NCKAP5: variants seen among roughly 807,000 people sequenced by gnomAD.
NCKAP5 encodes the protein NCK associated protein 5, also known as nck-associated protein 5.
NCKAP5 carries 92 observed loss-of-function variants against 167.0 expected under a neutral mutation model. The observed-to-expected ratio is 0.55, with a 90% CI of 0.47 to 0.66. The LOEUF (loss-of-function observed/expected upper bound fraction) is 0.66, where lower values mean the gene tolerates loss of function less well. Ranked by LOEUF, NCKAP5 falls within the 30% of genes least tolerant of loss-of-function variation. The pLI, the probability that NCKAP5 is intolerant of heterozygous loss-of-function variation, is 0.00. For missense variants in NCKAP5, 2,378 were observed against 2,315.0 expected (o/e 1.03, Z -0.56); for synonymous variants, 891 against 877.4 (o/e 1.02, Z -0.27).
intron 8 of NCKAP5, among the ~76,000 whole-genome samples, chr2:132,906,032 A>G (rs1014186541): frequency 2.0e-5 from 3 of 152,210 alleles, no homozygotes; most frequent in Non-Finnish European, 2.9e-5. Context: ...TGAGATTGCT[A>G]TTGGTTACCA....
At chr2:132,764,406 G>T (rs931779204) in intron 16 of NCKAP5, among the ~76,000 whole-genome samples, 1 of 152,204 alleles carries the variant, frequency 6.6e-6, no homozygotes, top group African/African-American at 2.4e-5. Context: ...TTTGCTGGTT[G>T]CAATCTCTCC....
In NCKAP5 at chr2:133,568,390, TG is replaced by T. The variant is rs997903434; in HGVS notation, c.-305del. 6.6e-6 allele frequency: 1 copy of T among 152,178 alleles called. No homozygotes were observed. Among genetic ancestry groups the T allele is most frequent in the African/African-American group, 2.4e-5 (1 of 41,428 alleles). The allele number at this position is 152,178 out of a possible 1,614,324, so 9.4% of individuals were successfully genotyped here. A position where few individuals can be genotyped will look rare whatever the true frequency, so the allele number is the denominator to read the frequency against. ...GGTTTTCCTGAACATCCACAGCGGC[TG>T]GGAAGTCCTGCCGTGAATGCGGAGC... On this transcript the variant is annotated 5_prime_UTR_variant, in exon 1 of 20. Coordinates refer to ENST00000409261, the MANE Select transcript of NCKAP5 (RefSeq NM_207363.3).
At chr2:133,201,762 C>T (rs2085700240) in intron 5 of NCKAP5, among the ~76,000 whole-genome samples, 1 of 152,104 alleles carries the variant, frequency 6.6e-6, no homozygotes, top group Non-Finnish European at 1.5e-5. Context: ...CTATGCTTCT[C>T]CGCCTCATTT....
chr2:133,249,818 G>C (rs2088209274), intron 4 of NCKAP5, among the ~76,000 whole-genome samples: 1 of 152,108 alleles, frequency 6.6e-6, no homozygotes, highest in African/African-American at 2.4e-5. Context: ...GGCGGTTTGG[G>C]AAGGGCCCTA....
intron 11 of NCKAP5, among the ~76,000 whole-genome samples, chr2:132,847,999 G>C (rs1436884629): frequency 6.6e-6 from 1 of 152,250 alleles, no homozygotes; most frequent in Non-Finnish European, 1.5e-5. Flanking sequence ...GTGTTTAATG[G>C]TTCCTCTTAA....
chr2:133,061,887 C>T (rs1210126169), intron 6 of NCKAP5, among the ~76,000 whole-genome samples: 2 of 152,204 alleles, frequency 1.3e-5, no homozygotes, highest in South Asian at 2.1e-4. Context: ...ACACCTTTCT[C>T]CACTCCCCAA....
At chr2:133,317,650 G>A (rs765309585) in intron 3 of NCKAP5, among the ~76,000 whole-genome samples, 3 of 152,122 alleles carry the variant, frequency 2.0e-5, no homozygotes, top group African/African-American at 2.4e-5. Flanking sequence ...TGCATCCTTC[G>A]CCAGCTGTAG....
chr2:133,525,412 G>T (rs1044248739), intron 2 of NCKAP5, among the ~76,000 whole-genome samples: 1 of 152,138 alleles, frequency 6.6e-6, no homozygotes, highest in East Asian at 1.9e-4. Flanking sequence ...CCCCTCCTCA[G>T]ATAAATGGCT....
At chr2:133,413,145 C>A (rs1271429612) in intron 3 of NCKAP5, among the ~76,000 whole-genome samples, 2 of 152,202 alleles carry the variant, frequency 1.3e-5, no homozygotes, top group Non-Finnish European at 2.9e-5. Context: ...AGAGACAGTG[C>A]AAGTGTCAGA....
intron 5 of NCKAP5, among the ~76,000 whole-genome samples, chr2:133,150,286 A>G (rs751932985): frequency 5.9e-5 from 9 of 152,196 alleles, no homozygotes; most frequent in Admixed American, 1.3e-4. Flanking sequence ...ACTATAGCGG[A>G]TACCTGCCTG....
intron 2 of NCKAP5, among the ~76,000 whole-genome samples, chr2:133,548,826 A>G (rs969416945): frequency 6.6e-6 from 1 of 152,204 alleles, no homozygotes; most frequent in Non-Finnish European, 1.5e-5. Flanking sequence ...TCAACTAACG[A>G]GCAAAATCAC....
intron 6 of NCKAP5, among the ~76,000 whole-genome samples, chr2:133,106,066 G>T (rs773280443): frequency 6.6e-6 from 1 of 151,904 alleles, no homozygotes; most frequent in East Asian, 1.9e-4. Flanking sequence ...GGTCGAGGTG[G>T]GTGGATCATG....
At chr2:133,521,625 T>A (rs980583395) in intron 2 of NCKAP5, among the ~76,000 whole-genome samples, 3 of 152,242 alleles carry the variant, frequency 2.0e-5, no homozygotes, top group African/African-American at 4.8e-5. Flanking sequence ...CTTCTCACTG[T>A]GTCCTCACAT....
chr2:133,575,164 T>G, the NCKAP5 span, among the ~76,000 whole-genome samples: 5 of 152,218 alleles, frequency 3.3e-5, no homozygotes, highest in Admixed American at 3.3e-4. Context: ...GCACTTCCCC[T>G]GAGACGCCAG....
chr2:133,151,930 G>C (rs2149890180), intron 5 of NCKAP5, among the ~76,000 whole-genome samples: 1 of 152,076 alleles, frequency 6.6e-6, no homozygotes, highest in South Asian at 2.1e-4. Context: ...AGTAAGATAA[G>C]ATCCCACCTC....
At chr2:132,800,945 T>A (rs1467720584) in intron 11 of NCKAP5, among the ~76,000 whole-genome samples, 1 of 152,194 alleles carries the variant, frequency 6.6e-6, no homozygotes, top group Admixed American at 6.5e-5. Flanking sequence ...ACCTTGGCCC[T>A]CTTCTTTCTG....
At chr2:133,495,430 G>T (rs4953883) in intron 3 of NCKAP5, among the ~76,000 whole-genome samples, 85,370 of 151,774 alleles carry the variant, frequency 0.56, 25,147 homozygotes, top group African/African-American at 0.75. Context: ...ACACACTGAC[G>T]CTTAGTGCAG....
intron 3 of NCKAP5, among the ~76,000 whole-genome samples, chr2:133,386,013 A>T (rs1422547506): frequency 2.6e-5 from 4 of 151,898 alleles, no homozygotes; most frequent in Admixed American, 6.6e-5. Context: ...GGATTCATTG[A>T]TTTTTTTGAA....
chr2:132,939,011 T>C (rs1204941593), intron 8 of NCKAP5, among the ~76,000 whole-genome samples: 2 of 152,224 alleles, frequency 1.3e-5, no homozygotes, highest in African/African-American at 4.8e-5. Context: ...TATGCGTGTA[T>C]ATTCATGTTT....
Sources: gnomAD v4.1 joint callset for allele counts (sites outside exome capture counted in the v4.1 genomes callset) on GRCh38, gnomAD v4.1.1 for gene constraint, MANE v1.5 for transcripts, NCBI Gene and HGNC (gene_info 2026-07-23, HGNC 2026-07-21) for gene names.